Variants in RBM20 observed in about 807,000 individuals in gnomAD.
The protein encoded by RBM20 is RNA binding motif protein 20.
In RBM20, 51 loss-of-function variants were observed where a neutral mutation model predicts 110.1. The ratio of observed to expected loss-of-function variants is 0.46; its 90% CI spans 0.37 to 0.59. The LOEUF (loss-of-function observed/expected upper bound fraction) is 0.59. RBM20 is among the 20% of genes least tolerant of loss of function. RBM20 has a pLI of 0.00. For missense variants in RBM20, 1,512 were observed against 1,574.9 expected, an observed-to-expected ratio of 0.96 and a Z score of 0.68; for synonymous variants, 589 against 618.2, an observed-to-expected ratio of 0.95 and a Z score of 0.70.
chr10:110,820,378 A>C (rs1401537342), intron 10 of RBM20, among the ~76,000 whole-genome samples: 1 of 152,132 alleles, frequency 6.6e-6, no homozygotes, highest in Non-Finnish European at 1.5e-5. Context: ...AGCGATCTTT[A>C]CCCACATGTC....
At chr10:110,820,032 T>C in intron 9 of RBM20, 40 bp from the exon 10 acceptor site, 1 of 1,314,190 alleles carries the variant, frequency 7.6e-7, no homozygotes, top group Non-Finnish European at 1.1e-6. Context: ...CTGTCACTGC[T>C]CACTGTTGAT....
At chr10:110,724,686 A>T (rs1843543031) in intron 1 of RBM20, among the ~76,000 whole-genome samples, 1 of 152,186 alleles carries the variant, frequency 6.6e-6, no homozygotes, top group Non-Finnish European at 1.5e-5. Flanking sequence ...GGGAGGGGAC[A>T]TTCTTTCTCT....
chr10:110,683,158 C>T (rs116843690), intron 1 of RBM20, among the ~76,000 whole-genome samples: 171 of 152,194 alleles, frequency 1.1e-3, no homozygotes, highest in African/African-American at 3.4e-3. Flanking sequence ...TTTTTTTGTT[C>T]TCATCGAATT....
Position 110,838,701 on chromosome 10 carries a change from G to A in RBM20, c.*2723G>A, listed in dbSNP as rs1022395657. 2 of 150,760 alleles carry A rather than the reference G, an allele frequency of 1.3e-5. No homozygotes were observed. Among genetic ancestry groups the A allele is most frequent in the South Asian group, 2.1e-4 (1 of 4,708 alleles). The allele number at this position is 150,760 out of a possible 1,614,324, so 9.3% of individuals were successfully genotyped here. On this transcript the variant is annotated 3_prime_UTR_variant, in exon 14 of 14. Coordinates refer to ENST00000369519, the MANE Select transcript of RBM20 (RefSeq NM_001134363.3). ...ATGGAAATCCAGATGGTCGTGTAGT[G>A]TTATGGCTCTCTTGTGATAGACTGG... is the stretch of plus-strand genomic sequence containing the variant.
intron 12 of RBM20, among the ~76,000 whole-genome samples, chr10:110,829,170 C>T (rs940967331): frequency 1.3e-5 from 2 of 152,192 alleles, no homozygotes; most frequent in South Asian, 2.1e-4. Context: ...TCCTATACTG[C>T]GGGGGTCTCG....
intron 1 of RBM20, among the ~76,000 whole-genome samples, chr10:110,712,772 C>G (rs1280423866): frequency 6.6e-6 from 1 of 152,072 alleles, no homozygotes; most frequent in African/African-American, 2.4e-5. Flanking sequence ...GTGCCCTGCC[C>G]CCAAAAAACT....
At chr10:110,658,011 T>A (rs1156430859) in intron 1 of RBM20, among the ~76,000 whole-genome samples, 1 of 152,248 alleles carries the variant, frequency 6.6e-6, no homozygotes, top group African/African-American at 2.4e-5. Flanking sequence ...TCAGAATCAA[T>A]CACTCATTAG....
chr10:110,696,687 A>G (rs1388676003), intron 1 of RBM20, among the ~76,000 whole-genome samples: 1 of 152,162 alleles, frequency 6.6e-6, no homozygotes, highest in African/African-American at 2.4e-5. Flanking sequence ...GCCATGGCTG[A>G]TAGGGCAAGT....
chr10:110,695,083 T>C (rs770679069), intron 1 of RBM20, among the ~76,000 whole-genome samples: 3 of 152,168 alleles, frequency 2.0e-5, no homozygotes, highest in Non-Finnish European at 2.9e-5. Context: ...TGCCACAGGA[T>C]TGATTTTTGT....
chr10:110,812,166 G>A, intron 8 of RBM20, 112 bp from the exon 9 acceptor site: 3 of 969,372 alleles, frequency 3.1e-6, no homozygotes, highest in East Asian at 5.3e-5. Context: ...AGTTAAGAGT[G>A]TACACAGTTA....
intron 1 of RBM20, among the ~76,000 whole-genome samples, chr10:110,725,769 G>A (rs1843553551): frequency 6.6e-6 from 1 of 152,230 alleles, no homozygotes; most frequent in African/African-American, 2.4e-5. Flanking sequence ...CGTTAAATCT[G>A]TTGCTCTTGT....
chr10:110,730,435 A>C (rs1843608985), intron 1 of RBM20, among the ~76,000 whole-genome samples: 1 of 151,978 alleles, frequency 6.6e-6, no homozygotes, highest in Admixed American at 6.5e-5. Flanking sequence ...TCCCCCTTTC[A>C]CAGGTCCTCC....
intron 7 of RBM20, among the ~76,000 whole-genome samples, chr10:110,801,736 A>G (rs1384273855): frequency 7.0e-6 from 1 of 142,832 alleles, no homozygotes; most frequent in Non-Finnish European, 1.5e-5. Context: ...TAATAGAGAC[A>G]GGGTTTCGCC....
chr10:110,826,803 T>C (rs914537388), intron 12 of RBM20, among the ~76,000 whole-genome samples: 1 of 151,888 alleles, frequency 6.6e-6, no homozygotes, highest in South Asian at 2.1e-4. Flanking sequence ...CCTTGAACTG[T>C]TGGGGTCTTG....
chr10:110,818,008 A>C (rs936419529), intron 9 of RBM20, among the ~76,000 whole-genome samples: 10 of 152,162 alleles, frequency 6.6e-5, no homozygotes, highest in African/African-American at 2.4e-4. Context: ...GGCTGGACAC[A>C]GTGGCTCACG....
chr10:110,779,562 C>T (rs1485779193), intron 1 of RBM20, among the ~76,000 whole-genome samples: 3 of 152,216 alleles, frequency 2.0e-5, no homozygotes, highest in African/African-American at 7.2e-5. Flanking sequence ...GCCAGTTGGT[C>T]AGAAGCATGA....
chr10:110,752,240 T>C (rs539835958), intron 1 of RBM20, among the ~76,000 whole-genome samples: 1 of 152,230 alleles, frequency 6.6e-6, no homozygotes, highest in African/African-American at 2.4e-5. Flanking sequence ...CTGACCCTTT[T>C]ACTGTCTCTA....
rs757091864 is a variant in RBM20, at chr10:110,812,769, G to C, written c.2372G>C (p.Arg791Pro). 2 of 1,551,560 alleles carry C rather than the reference G, an allele frequency of 1.3e-6. No homozygotes were observed. Among genetic ancestry groups the C allele is most frequent in the South Asian group, 1.2e-5 (1 of 84,052 alleles). Residue 791 changes from arginine to proline, a missense_variant, in exon 9 of 14, where the codon CGG becomes CCG. Physicochemically the swap from Arg to Pro is moderately radical, Grantham distance 103. This residue lies in a region of RBM20 where 1,149 missense variants were observed against 1,169.4 expected (regional missense o/e 0.98). Coordinates refer to ENST00000369519, the MANE Select transcript of RBM20 (RefSeq NM_001134363.3). ...RSRRKDEARL[R>P]ESRHPHPDDS... ...AGGAGGAAAGACGAGGCCAGGCTGC[G>C]GGAAAGCAGACACCCCCATCCGGAT...
chr10:110,653,074 G>A (rs1213716430), intron 1 of RBM20, among the ~76,000 whole-genome samples: 2 of 152,062 alleles, frequency 1.3e-5, no homozygotes, highest in Non-Finnish European at 2.9e-5. Flanking sequence ...CCTTAATAGA[G>A]GAAAAACCCA....
Sources: gnomAD v4.1 joint callset for allele counts (sites outside exome capture counted in the v4.1 genomes callset) on GRCh38, gnomAD v4.1.1 for gene constraint, gnomAD v4.1.1 regional missense constraint, MANE v1.5 for transcripts, NCBI Gene and HGNC (gene_info 2026-07-23, HGNC 2026-07-21) for gene names.